The following SVOPL variants were observed in gnomAD, a reference collection of about 807,000 sequenced individuals.
The protein encoded by SVOPL is SVOP like.
A neutral mutation model predicts 61.0 loss-of-function variants in SVOPL; 60 were observed. The observed-to-expected ratio is 0.98, with a 90% CI of 0.80 to 1.22. The LOEUF (loss-of-function observed/expected upper bound fraction) is 1.22. Ranked by LOEUF, SVOPL falls within the 50% of genes most tolerant of loss-of-function variation. The pLI is 0.00. For missense variants in SVOPL, 662 were observed against 643.9 expected, an observed-to-expected ratio of 1.03 and a Z score of -0.30; for synonymous variants, 279 against 250.0, an observed-to-expected ratio of 1.12 and a Z score of -1.09.
Position 138,649,042 on chromosome 7 carries a change from G to A in SVOPL, c.630C>T (p.Ile210=). The change falls in exon 8 of 16, where the codon ATC becomes ATT. Residue 210 remains isoleucine (I), a synonymous_variant. Coordinates refer to ENST00000674285, the MANE Select transcript of SVOPL (RefSeq NM_001139456.2). ...AGGCCACGATGAGGATGATGCCCGG[G>A]ATGGAGGCGACGCGAATGAGCCAGC... ...GWRWLIRVAS[I]PGIILIVAFK... 6.2e-7 allele frequency: 1 copy of A among 1,613,958 alleles called. No homozygotes were observed. The highest frequency in any genetic ancestry group is 8.5e-7 in the Non-Finnish European group (1 of 1,179,966).
At chr7:138,601,536 C>G (rs892674266) in intron 14 of SVOPL, among the ~76,000 whole-genome samples, 1 of 151,240 alleles carries the variant, frequency 6.6e-6, no homozygotes, top group Non-Finnish European at 1.5e-5. Context: ...TGCATGCTCT[C>G]TCTTATATGT....
Position 138,596,540 on chromosome 7 carries a change from A to G in SVOPL, c.1354-10T>C. On this transcript the variant is annotated splice_polypyrimidine_tract_variant and intron_variant, in intron 14 of 15. Coordinates refer to ENST00000674285, the MANE Select transcript of SVOPL (RefSeq NM_001139456.2). ...ATGCACTCATAAGAACCTGCAAGTC[A>G]CAAGAGAATTACTCAATTTATTATG... 1.2e-6 allele frequency: 2 copies of G among 1,612,820 alleles called. No individual in the cohort carries two copies. Among genetic ancestry groups the G allele is most frequent in the South Asian group, 1.1e-5 (1 of 90,890 alleles).
intron 14 of SVOPL, chr7:138,597,358 T>A: frequency 1.9e-6 from 1 of 534,292 alleles, no homozygotes; most frequent in Non-Finnish European, 2.8e-6. Flanking sequence ...CTAGTCTCAG[T>A]AATTACTTGT....
chr7:138,641,652 C>T (rs139409088), intron 9 of SVOPL, among the ~76,000 whole-genome samples: 9 of 100,046 alleles, frequency 9.0e-5, no homozygotes, highest in Non-Finnish European at 1.3e-4. Flanking sequence ...GCCTGGATGA[C>T]AAGAGCGAAA....
intron 1 of SVOPL, among the ~76,000 whole-genome samples, chr7:138,694,809 G>A (rs1309332852): frequency 2.0e-5 from 3 of 151,930 alleles, no homozygotes; most frequent in Non-Finnish European, 4.4e-5. Flanking sequence ...AATGGTCTTG[G>A]CTCACTGCAA....
At chr7:138,622,126 C>CTATCTATCTATCTATG (rs1799650871) in intron 13 of SVOPL, among the ~76,000 whole-genome samples, 2 of 72,774 alleles carry the variant, frequency 2.7e-5, no homozygotes, top group Non-Finnish European at 6.5e-5. Flanking sequence ...ATCTATGTAT[C>CTATCTATCTATCTATG]TATCTATCTA....
intron 14 of SVOPL, among the ~76,000 whole-genome samples, chr7:138,610,634 T>G (rs1352644503): frequency 6.6e-6 from 1 of 152,256 alleles, no homozygotes; most frequent in South Asian, 2.1e-4. Flanking sequence ...GATCCTCTCC[T>G]TGACCGAACC....
At chr7:138,670,955 T>C (rs1046019865) in intron 4 of SVOPL, among the ~76,000 whole-genome samples, 37 of 152,234 alleles carry the variant, frequency 2.4e-4, no homozygotes, top group African/African-American at 8.7e-4. Context: ...AGCTCTATGA[T>C]AGAAGGTGAA....
At chr7:138,627,688 ATT>A (rs1262084743) in intron 11 of SVOPL, among the ~76,000 whole-genome samples, 1 of 152,160 alleles carries the variant, frequency 6.6e-6, no homozygotes, top group East Asian at 1.9e-4. Context: ...CAGAATACTT[ATT>A]ATATCATACA....
At chr7:138,663,170 G>A (rs1462207730) in intron 4 of SVOPL, 25 bp from the exon 5 acceptor site, 2 of 1,607,834 alleles carry the variant, frequency 1.2e-6, no homozygotes, top group South Asian at 1.1e-5. Flanking sequence ...GAGATAAAAC[G>A]GTTCTCTAAG....
At chr7:138,624,450 A>G (rs1405201840) in intron 13 of SVOPL, among the ~76,000 whole-genome samples, 2 of 152,188 alleles carry the variant, frequency 1.3e-5, no homozygotes, top group East Asian at 3.8e-4. Flanking sequence ...GCCATCTGTA[A>G]ATATGCTTGA....
chr7:138,656,346 C>T, intron 7 of SVOPL, 102 bp downstream of exon 7: 2 of 1,156,144 alleles, frequency 1.7e-6, no homozygotes, highest in Non-Finnish European at 2.5e-6. Context: ...CGCTTAATTG[C>T]AGCGAGCTGG....
At chr7:138,624,511 C>A (rs1799808941) in intron 13 of SVOPL, among the ~76,000 whole-genome samples, 1 of 152,080 alleles carries the variant, frequency 6.6e-6, no homozygotes. Flanking sequence ...ACAGTACAGA[C>A]CTGTGGAATA....
At position 138,632,122 on chromosome 7, in the gene SVOPL, G is replaced by A. The variant is rs1800232865; in HGVS notation, c.790-2000C>T. 2.0e-5 allele frequency among the ~76,000 whole-genome samples: 3 copies of A among 152,148 alleles called. No individual in the cohort carries two copies. In the South Asian group the frequency reaches 6.2e-4, roughly 31 times the overall value. On this transcript the variant is annotated intron_variant, in intron 9 of 15. Coordinates refer to ENST00000674285, the MANE Select transcript of SVOPL (RefSeq NM_001139456.2). The stretch of plus-strand genomic sequence containing the variant: ...GGCAGGGTCTACTGCCAGTAGCTCT[G>A]GGCCTTGCTCAAGAGATGTCTGTGG...
intron 9 of SVOPL, among the ~76,000 whole-genome samples, chr7:138,637,256 C>G (rs570806517): frequency 6.6e-6 from 1 of 151,760 alleles, no homozygotes; most frequent in East Asian, 1.9e-4. Context: ...GGTGAAACCC[C>G]AACTCTACTA....
At chr7:138,658,559 G>A (rs868409181) in intron 6 of SVOPL, among the ~76,000 whole-genome samples, 10 of 152,176 alleles carry the variant, frequency 6.6e-5, no homozygotes, top group Middle Eastern at 3.4e-3. Context: ...TTACAGATGC[G>A]AGCCACCACC....
At chr7:138,682,082 A>ATTGT (rs1311186522) in intron 1 of SVOPL, among the ~76,000 whole-genome samples, 1 of 152,226 alleles carries the variant, frequency 6.6e-6, no homozygotes, top group East Asian at 1.9e-4. Context: ...AGGGTAACAA[A>ATTGT]ACAGTTGCTG....
At chr7:138,609,719 T>G (rs370695475) in intron 14 of SVOPL, among the ~76,000 whole-genome samples, 1,909 of 55,014 alleles carry the variant, frequency 0.035, 23 homozygotes, top group Admixed American at 0.062. Flanking sequence ...GTTTTTTTTT[T>G]GGGGGGGGTG....
At chr7:138,663,782 C>A (rs1376334290) in intron 4 of SVOPL, among the ~76,000 whole-genome samples, 1 of 152,050 alleles carries the variant, frequency 6.6e-6, no homozygotes. Context: ...TCAAGAAGTT[C>A]AGGCTTCACT....
Sources: allele counts gnomAD v4.1 joint callset (sites outside exome capture counted in the v4.1 genomes callset), GRCh38; gene constraint gnomAD v4.1.1; transcripts MANE v1.5; gene names NCBI Gene and HGNC (gene_info 2026-07-23, HGNC 2026-07-21).